The following NR2C2 variants were observed in gnomAD, a reference collection of about 807,000 sequenced individuals.
NR2C2 encodes the protein nuclear receptor subfamily 2 group C member 2.
Under a neutral mutation model 62.9 loss-of-function variants are expected in NR2C2, and 6 were observed. The ratio of observed to expected loss-of-function variants is 0.10; its 90% CI spans 0.05 to 0.19. NR2C2 has a LOEUF of 0.19. Among genes scored for constraint, NR2C2 ranks in the 10% least tolerant of loss-of-function variants. The pLI is 1.00. For synonymous variants in NR2C2, 272 were observed against 273.8 expected (o/e 0.99, Z 0.07); for missense variants, 479 against 762.7 (o/e 0.63, Z 4.38).
chr3:14,968,936 A>G (rs1470084714), intron 1 of NR2C2, among the ~76,000 whole-genome samples: 3 of 147,314 alleles, frequency 2.0e-5, no homozygotes, highest in African/African-American at 5.0e-5. Context: ...ATTGAACAAC[A>G]AGAACACATG....
At chr3:14,954,347 ATAAAAG>A (rs1285785096) in intron 1 of NR2C2, among the ~76,000 whole-genome samples, 41 of 152,302 alleles carry the variant, frequency 2.7e-4, no homozygotes, top group African/African-American at 7.7e-4. Context: ...TTAAAAATAG[ATAAAAG>A]TAAAACAGTT....
At chr3:14,975,970 C>T (rs1248054228) in intron 1 of NR2C2, among the ~76,000 whole-genome samples, 2 of 152,046 alleles carry the variant, frequency 1.3e-5, no homozygotes, top group Non-Finnish European at 1.5e-5. Context: ...GACAGGGTTT[C>T]GCCATGTTGC....
rs1293363074 is a variant in NR2C2 at position 15,049,164 on chromosome 3, A to G, written c.*6156A>G. The G allele has an allele frequency of 6.6e-6, 1 of 152,634 alleles. No homozygotes were observed. Among genetic ancestry groups the G allele is most frequent in the East Asian group, 1.9e-4 (1 of 5,198 alleles). 9.5% of individuals were successfully genotyped at this position (152,634 alleles called of 1,614,324 possible). A position where few individuals can be genotyped will look rare whatever the true frequency, so the allele number is the denominator to read the frequency against. On this transcript the variant is annotated 3_prime_UTR_variant, in exon 14 of 14. Transcript: ENST00000425241. ...TGTATATAGAGTATTGCAGTGCATG[A>G]ATTAGCTTTATGCATTTTATTAAAT... is the stretch of plus-strand genomic sequence containing the variant.
chr3:14,948,694 C>G (rs1444888574), intron 1 of NR2C2: 2 of 152,620 alleles, frequency 1.3e-5, no homozygotes, highest in Non-Finnish European at 2.9e-5. Flanking sequence ...TGGAACGCGT[C>G]TCGAATGAGT....
intron 1 of NR2C2, among the ~76,000 whole-genome samples, chr3:14,999,175 G>A (rs1342432392): frequency 6.6e-6 from 1 of 152,166 alleles, no homozygotes; most frequent in East Asian, 1.9e-4. Context: ...AATTAGCCTG[G>A]TGTGGTGGCT....
At chr3:14,956,325 G>T (rs1434832569) in intron 1 of NR2C2, among the ~76,000 whole-genome samples, 1 of 152,074 alleles carries the variant, frequency 6.6e-6, no homozygotes, top group Non-Finnish European at 1.5e-5. Flanking sequence ...CCATGAATAT[G>T]AACAGACTTC....
intron 2 of NR2C2, among the ~76,000 whole-genome samples, chr3:15,008,877 A>C (rs1260680977): frequency 6.6e-6 from 1 of 152,220 alleles, no homozygotes; most frequent in Non-Finnish European, 1.5e-5. Flanking sequence ...AAAAACAGAT[A>C]GTGAATCTAA....
intron 1 of NR2C2, among the ~76,000 whole-genome samples, chr3:14,976,379 G>A (rs750987714): frequency 2.6e-5 from 4 of 152,052 alleles, no homozygotes; most frequent in South Asian, 2.1e-4. Flanking sequence ...ATACTTCCTA[G>A]TGTCTCCAAC....
intron 4 of NR2C2, among the ~76,000 whole-genome samples, chr3:15,020,054 A>G (rs1019965696): frequency 2.0e-5 from 3 of 152,244 alleles, no homozygotes; most frequent in Non-Finnish European, 2.9e-5. Context: ...CAGAAATAAA[A>G]AGAGACACCA....
rs538255184 is a variant in NR2C2, at chr3:14,953,894, C to CAAAAAA, written c.-40+6000_-40+6005dup. ...TGGGCGACAGTGCGAGACTTCATCTCAAAAAAAAAAAAAAAAACAACTGAG... is the reference window on the plus strand; with the variant it reads ...TGGGCGACAGTGCGAGACTTCATCTCAAAAAAAAAAAAAAAAAAAAAAACAACTGAG... On this transcript the variant is annotated intron_variant, in intron 1 of 13. Coordinates refer to ENST00000425241, the MANE Select transcript of NR2C2 (RefSeq NM_001291694.2). Among the ~76,000 whole-genome samples the CAAAAAA allele has an allele frequency of 1.6e-4, 12 of 74,310 alleles. 1 individual carries two copies. Among genetic ancestry groups the CAAAAAA allele is most frequent in the African/African-American group, 4.9e-4 (12 of 24,322 alleles). The allele number at this position is 74,310 out of a possible 152,430, so 48.8% of individuals were successfully genotyped here.
rs1185056219 is a variant in NR2C2 at position 14,968,653 on chromosome 3, A to C, written c.-40+20747A>C. 6.1e-4 allele frequency among the ~76,000 whole-genome samples: 89 copies of C among 146,846 alleles called. 2 individuals are homozygous for C. The highest frequency in any genetic ancestry group is 1.4e-3 in the African/African-American group (53 of 38,722). ...TTACTGGGTATATACCCAAAGGACT[A>C]TAAATCATGCTGCTATAAAGACACA... On this transcript the variant is annotated intron_variant, in intron 1 of 13. Coordinates refer to ENST00000425241, the MANE Select transcript of NR2C2 (RefSeq NM_001291694.2).
intron 1 of NR2C2, among the ~76,000 whole-genome samples, chr3:14,967,765 G>C (rs911312752): frequency 2.6e-5 from 4 of 152,172 alleles, no homozygotes; most frequent in Non-Finnish European, 5.9e-5. Flanking sequence ...AACCAAAACA[G>C]CATGGTATTG....
chr3:14,999,592 T>C lies in NR2C2; in HGVS notation c.-39-4284T>C, dbSNP rs149023726. On this transcript the variant is annotated intron_variant, in intron 1 of 13. Coordinates refer to ENST00000425241, the MANE Select transcript of NR2C2 (RefSeq NM_001291694.2). ...CTAAGAAACAATCACCTAATTCAAG[T>C]TCACGAAGATTTACACCTGTGTTTT... Among the ~76,000 whole-genome samples the C allele has an allele frequency of 1.3e-4, 20 of 152,354 alleles. No individual in the cohort carries two copies. In the East Asian group the frequency reaches 3.9e-3, roughly 29 times the overall value.
rs1429492805 is a variant in NR2C2 at position 15,020,839 on chromosome 3, A to G, written c.463A>G (p.Ser155Gly). The G allele has an allele frequency of 6.2e-7, 1 of 1,614,230 alleles. No individual in the cohort carries two copies. Among genetic ancestry groups the G allele is most frequent in the South Asian group, 1.1e-5 (1 of 91,090 alleles). The change falls in exon 5 of 14, where the codon AGC becomes GGC. Residue 155 changes from serine to glycine, a missense_variant. Coordinates refer to ENST00000425241, the MANE Select transcript of NR2C2 (RefSeq NM_001291694.2). ...GAAAAATTTGACCTACAGCTGCCGG[A>G]GCAACCAAGACTGCATCATCAATAA... Reference protein sequence around the residue: ...VRKNLTYSCRSNQDCIINKHH... With the variant: ...VRKNLTYSCRGNQDCIINKHH...
rs778438818 is a variant in NR2C2 at position 15,028,723 on chromosome 3, C to G, written c.932+4C>G. 6.2e-7 allele frequency: 1 copy of G among 1,613,498 alleles called. No individual in the cohort carries two copies. The highest frequency in any genetic ancestry group is 8.5e-7 in the Non-Finnish European group (1 of 1,179,508). On this transcript the variant is annotated splice_donor_region_variant and intron_variant, in intron 8 of 13. Coordinates refer to ENST00000425241, the MANE Select transcript of NR2C2 (RefSeq NM_001291694.2). Reference sequence around the variant, plus strand: ...AGTCTGCAAGTGAGATAACTCGGTACGAGCCCATGAGGATGGAGTCTCCCC... The same window carrying G: ...AGTCTGCAAGTGAGATAACTCGGTAGGAGCCCATGAGGATGGAGTCTCCCC...
At chr3:14,990,546 G>A (rs1473664418) in intron 1 of NR2C2, among the ~76,000 whole-genome samples, 1 of 152,166 alleles carries the variant, frequency 6.6e-6, no homozygotes, top group Admixed American at 6.5e-5. Flanking sequence ...TTGGGTGAAT[G>A]GAATCTGCAC....
intron 1 of NR2C2, among the ~76,000 whole-genome samples, chr3:14,961,121 T>C (rs1439569034): frequency 6.6e-6 from 1 of 152,216 alleles, no homozygotes; most frequent in African/African-American, 2.4e-5. Flanking sequence ...TGTCACAGAA[T>C]TTTGACTCCT....
At chr3:15,035,764 C>T (rs562467512) in intron 11 of NR2C2, among the ~76,000 whole-genome samples, 46 of 152,358 alleles carry the variant, frequency 3.0e-4, no homozygotes, top group Non-Finnish European at 5.9e-4. Context: ...CAGTGGCTCA[C>T]GCCTATAATC....
In NR2C2 at chr3:15,022,490, C is replaced by T. The variant is rs991322036; in HGVS notation, c.557-710C>T. ...CCGCGTCTTGGCTCACTGCAGCCTC[C>T]GCCTCCCAGGTTCAAGCAATTCTCC... On this transcript the variant is annotated intron_variant, in intron 5 of 13. Transcript: ENST00000425241. Among the ~76,000 whole-genome samples the T allele has an allele frequency of 3.3e-5, 5 of 150,094 alleles. No homozygotes were observed. The South Asian group carries it at 6.3e-4, about 19-fold the overall frequency.
Sources: gnomAD v4.1 joint callset for allele counts (sites outside exome capture counted in the v4.1 genomes callset) on GRCh38, gnomAD v4.1.1 for gene constraint, MANE v1.5 for transcripts, NCBI Gene and HGNC (gene_info 2026-07-23, HGNC 2026-07-21) for gene names.